The following CXADR variants were observed in gnomAD, a reference collection of about 807,000 sequenced individuals.
CXADR encodes coxsackievirus and adenovirus receptor.
CXADR carries 20 observed loss-of-function variants against 40.3 expected under a neutral mutation model. The observed-to-expected ratio is 0.50, with a 90% CI of 0.35 to 0.72. The LOEUF (loss-of-function observed/expected upper bound fraction) is 0.72. Ranked by LOEUF, CXADR falls within the 30% of genes least tolerant of loss-of-function variation. The pLI is 0.01. For synonymous variants in CXADR, 150 were observed against 161.3 expected, an observed-to-expected ratio of 0.93 and a Z score of 0.53; for missense variants, 332 against 449.1, an observed-to-expected ratio of 0.74 and a Z score of 2.36.
chr21:17,529,624 T>A (rs2060644819), intron 1 of CXADR, among the ~76,000 whole-genome samples: 2 of 152,180 alleles, frequency 1.3e-5, no homozygotes, highest in Admixed American at 1.3e-4. Context: ...CCCGGCCGCC[T>A]TTTTGAATTA....
the CXADR span, among the ~76,000 whole-genome samples, chr21:17,601,047 C>T: frequency 3.3e-5 from 5 of 152,068 alleles, no homozygotes; most frequent in Non-Finnish European, 1.5e-5. Context: ...CCTGTAATCC[C>T]AGCTACTCGG....
downstream of CXADR, among the ~76,000 whole-genome samples, chr21:17,574,287 A>G (rs1006454779): frequency 6.6e-6 from 1 of 152,228 alleles, no homozygotes; most frequent in Non-Finnish European, 1.5e-5. Flanking sequence ...CTGAGTATAT[A>G]GTGAAAAATG....
At chr21:17,628,469 T>C in the CXADR span, among the ~76,000 whole-genome samples, 1 of 151,810 alleles carries the variant, frequency 6.6e-6, no homozygotes, top group African/African-American at 2.4e-5. Context: ...ACGTTTCAGA[T>C]GGAGTCTGAA....
chr21:17,581,012 A>G (rs1738378224), intron 7 of CXADR, among the ~76,000 whole-genome samples: 1 of 152,200 alleles, frequency 6.6e-6, no homozygotes, highest in Non-Finnish European at 1.5e-5. Flanking sequence ...TAGCCTCCCA[A>G]AGAGCTGGGA....
At chr21:17,525,175 C>G (rs1253336296) in intron 1 of CXADR, among the ~76,000 whole-genome samples, 3 of 152,088 alleles carry the variant, frequency 2.0e-5, no homozygotes, top group Admixed American at 2.0e-4. Flanking sequence ...TTTATACATA[C>G]TAAGAAAATG....
At chr21:17,552,022 C>A in intron 3 of CXADR, 69 bp downstream of exon 3, 1 of 1,168,418 alleles carries the variant, frequency 8.6e-7, no homozygotes, top group Non-Finnish European at 1.3e-6. Flanking sequence ...ACTGTAGTAG[C>A]AGCACTTGTA....
intron 1 of CXADR, among the ~76,000 whole-genome samples, chr21:17,514,807 T>C (rs1218230545): frequency 6.6e-6 from 1 of 151,918 alleles, no homozygotes; most frequent in Non-Finnish European, 1.5e-5. Context: ...CTAACTTTTT[T>C]ATTTTTAGTA....
intron 1 of CXADR, among the ~76,000 whole-genome samples, chr21:17,515,522 T>G (rs955650927): frequency 2.6e-5 from 4 of 151,968 alleles, no homozygotes; most frequent in African/African-American, 9.7e-5. Context: ...TAGAAATGCA[T>G]TGGTATGGGC....
intron 1 of CXADR, among the ~76,000 whole-genome samples, chr21:17,514,332 C>G (rs1400709725): frequency 1.3e-5 from 2 of 151,950 alleles, no homozygotes; most frequent in African/African-American, 4.8e-5. Flanking sequence ...CTCATGGGAT[C>G]AACATTCTAT....
rs747665479 is a variant in CXADR at position 17,547,123 on chromosome 21, C to G, written c.140C>G (p.Pro47Arg). 1.9e-6 allele frequency: 3 copies of G among 1,614,120 alleles called. No homozygotes were observed. Among genetic ancestry groups the G allele is most frequent in the Non-Finnish European group, 2.5e-6 (3 of 1,180,036 alleles). Residue 47 changes from proline to arginine, a missense_variant, in exon 2 of 7, where the codon CCC becomes CGC. Coordinates refer to ENST00000284878, the MANE Select transcript of CXADR (RefSeq NM_001338.5). ...CTGCCATGCAAATTTACGCTTAGTC[C>G]CGAAGACCAGGGACCGCTGGACATC... ...AYLPCKFTLS[P>R]EDQGPLDIEW... is the part of the protein sequence containing the mutation.
At chr21:17,531,794 G>C (rs1344058319) in intron 1 of CXADR, among the ~76,000 whole-genome samples, 1 of 152,128 alleles carries the variant, frequency 6.6e-6, no homozygotes, top group Non-Finnish European at 1.5e-5. Context: ...TGGTTTTTTA[G>C]AGTTAAGGTC....
chr21:17,579,577 C>T lies in CXADR; in HGVS notation c.1018-13575C>T, dbSNP rs186458325. On this transcript the variant is annotated intron_variant, in intron 7 of 7. Transcript: ENST00000400169. ...GGGATTACAGGCGTGAGCCACTGCGCCCCGCCGGTCTCACTTTTCTTTATG... is the reference window on the plus strand; with the variant it reads ...GGGATTACAGGCGTGAGCCACTGCGTCCCGCCGGTCTCACTTTTCTTTATG... Among the ~76,000 whole-genome samples the T allele has an allele frequency of 4.4e-4, 67 of 152,346 alleles. 2 individuals are homozygous for T. The East Asian group carries it at 8.9e-3, about 20-fold the overall frequency.
intron 4 of CXADR, 32 bp downstream of exon 4, chr21:17,559,163 C>T: frequency 6.2e-7 from 1 of 1,609,566 alleles, no homozygotes; most frequent in Non-Finnish European, 8.5e-7. Flanking sequence ...GTACCACATG[C>T]CATTGATTTG....
At chr21:17,532,218 G>A (rs1388996337) in intron 1 of CXADR, among the ~76,000 whole-genome samples, 2 of 152,104 alleles carry the variant, frequency 1.3e-5, no homozygotes, top group Admixed American at 6.5e-5. Flanking sequence ...CAGGTGTGGT[G>A]AACAGGTCCT....
At chr21:17,621,147 C>CATAG in the CXADR span, among the ~76,000 whole-genome samples, 1 of 152,160 alleles carries the variant, frequency 6.6e-6, no homozygotes, top group Non-Finnish European at 1.5e-5. Context: ...ATGTGGGCAC[C>CATAG]ATAGCTTAGC....
At chr21:17,554,408 G>C (rs914666205) in intron 3 of CXADR, among the ~76,000 whole-genome samples, 6 of 152,194 alleles carry the variant, frequency 3.9e-5, no homozygotes, top group Non-Finnish European at 8.8e-5. Flanking sequence ...GAATGGGTAA[G>C]TGGGAAGCAT....
intron 4 of CXADR, among the ~76,000 whole-genome samples, chr21:17,559,704 G>A (rs1422178986): frequency 1.8e-4 from 25 of 136,294 alleles, no homozygotes; most frequent in African/African-American, 6.2e-4. Context: ...GAGACAAGGG[G>A]TCTCGCTCTG....
At chr21:17,564,221 A>T (rs1292197556) in intron 6 of CXADR, among the ~76,000 whole-genome samples, 1 of 150,748 alleles carries the variant, frequency 6.6e-6, no homozygotes, top group Non-Finnish European at 1.5e-5. Flanking sequence ...GGCCAGGCGC[A>T]GTGACTCACG....
At chr21:17,534,045 T>TATATATAGCTATATATATATAC (rs1569091517) in intron 1 of CXADR, among the ~76,000 whole-genome samples, 1 of 127,512 alleles carries the variant, frequency 7.8e-6, no homozygotes, top group African/African-American at 3.1e-5. Context: ...TATATATATA[T>TATATATAGCTATATATATATAC]ACACATATAT....
Sources: allele counts gnomAD v4.1 joint callset (sites outside exome capture counted in the v4.1 genomes callset), GRCh38; gene constraint gnomAD v4.1.1; transcripts MANE v1.5; gene names NCBI Gene and HGNC (gene_info 2026-07-23, HGNC 2026-07-21).